Variants in ZBTB5 observed in about 807,000 individuals in gnomAD.
ZBTB5 encodes zinc finger and BTB domain containing 5.
Under a neutral mutation model 37.9 loss-of-function variants are expected in ZBTB5, and 15 were observed. That is an observed-to-expected ratio of 0.40 (90% CI 0.26 to 0.61). The LOEUF is 0.61. Among genes scored for constraint, ZBTB5 ranks in the 20% least tolerant of loss-of-function variants. ZBTB5 has a pLI of 0.47. For synonymous variants in ZBTB5, 315 were observed against 312.4 expected (o/e 1.01, Z -0.09); for missense variants, 708 against 856.8 (o/e 0.83, Z 2.17).
At chr9:37,446,589 TGA>T (rs1393201849) in intron 1 of ZBTB5, among the ~76,000 whole-genome samples, 6 of 152,258 alleles carry the variant, frequency 3.9e-5, no homozygotes, top group African/African-American at 1.4e-4. Context: ...CTATCATGTA[TGA>T]GAGATCAGAT....
rs754833632 is a variant in ZBTB5 at position 37,442,083 on chromosome 9, C to T, written c.469G>A (p.Ala157Thr). 40 of 1,614,016 alleles carry T rather than the reference C, an allele frequency of 2.5e-5. No individual in the cohort carries two copies. The highest frequency in any genetic ancestry group is 3.3e-5 in the Non-Finnish European group (39 of 1,180,046). ...QQLGLSIVSSALNSSQNGEEQ... is the reference protein window; with the variant it reads ...QQLGLSIVSSTLNSSQNGEEQ... ...TCGCCATTCTGGCTGGAATTGAGGG[C>T]TGAGCTCACGATGCTTAGTCCCAGC... Residue 157 changes from alanine to threonine, a missense_variant, in exon 2 of 2, where the codon GCC becomes ACC. By Grantham distance (58) the Ala-to-Thr change is moderately conservative. Around this residue, in one of 3 missense-constraint regions of ZBTB5, gnomAD observed 639 missense variants for 690.5 expected, o/e 0.93. Transcript: ENST00000307750.
intron 1 of ZBTB5, among the ~76,000 whole-genome samples, chr9:37,445,061 A>G (rs1179574357): frequency 3.3e-5 from 5 of 152,232 alleles, no homozygotes; most frequent in Non-Finnish European, 7.4e-5. Flanking sequence ...AAAAAAAACA[A>G]GAAGTTTTTA....
At chr9:37,445,898 C>T (rs1253185166) in intron 1 of ZBTB5, among the ~76,000 whole-genome samples, 1 of 151,890 alleles carries the variant, frequency 6.6e-6, no homozygotes, top group East Asian at 1.9e-4. Flanking sequence ...CTCAGGAGTT[C>T]GAGACCACCT....
At chr9:37,458,351 T>C (rs188544126) in intron 1 of ZBTB5, among the ~76,000 whole-genome samples, 2 of 152,370 alleles carry the variant, frequency 1.3e-5, no homozygotes, top group East Asian at 3.9e-4. Flanking sequence ...GAAGTTTTCC[T>C]CCTGCATTCT....
intron 1 of ZBTB5, 150 bp from the exon 2 acceptor site, chr9:37,442,705 C>T (rs1243907153): frequency 4.5e-6 from 3 of 661,846 alleles, no homozygotes; most frequent in African/African-American, 1.8e-5. Context: ...ACACTAAGAG[C>T]TTGTCATATA....
At chr9:37,451,460 A>G (rs1284368446) in intron 1 of ZBTB5, among the ~76,000 whole-genome samples, 1 of 147,246 alleles carries the variant, frequency 6.8e-6, no homozygotes, top group African/African-American at 2.5e-5. Flanking sequence ...TGGGAGGCTG[A>G]GGCACAACAA....
chr9:37,444,980 G>A (rs929430748), intron 1 of ZBTB5, among the ~76,000 whole-genome samples: 14 of 151,994 alleles, frequency 9.2e-5, no homozygotes, highest in African/African-American at 3.4e-4. Context: ...AAAAGGAATG[G>A]ATAGATAACC....
intron 1 of ZBTB5, among the ~76,000 whole-genome samples, chr9:37,454,321 G>A (rs1206995642): frequency 1.3e-5 from 2 of 152,150 alleles, no homozygotes; most frequent in Non-Finnish European, 2.9e-5. Context: ...AGCTCAGGCT[G>A]AGTAAATTAA....
chr9:37,450,864 C>CAA (rs111813981), intron 1 of ZBTB5, among the ~76,000 whole-genome samples: 1 of 125,674 alleles, frequency 8.0e-6, no homozygotes, highest in African/African-American at 3.0e-5. Context: ...AACTCCATCT[C>CAA]AAAAAAAAAA....
rs764302154 is a variant in ZBTB5, at chr9:37,441,147, G to A, written c.1405C>T (p.Pro469Ser). 2.5e-6 allele frequency: 4 copies of A among 1,613,938 alleles called. No individual in the cohort carries two copies. Among genetic ancestry groups the A allele is most frequent in the Middle Eastern group, 1.6e-4 (1 of 6,062 alleles). Reference protein sequence around the residue: ...SSAPGSHVENPFSEPADSHFV... With the variant: ...SSAPGSHVENSFSEPADSHFV... ...TGGGAGTCTGCAGGTTCACTAAATG[G>A]GTTCTCTACATGGGAGCCAGGGGCA... Residue 469 changes from proline (P) to serine (S), a missense_variant, in exon 2 of 2, where the codon CCA (proline) becomes TCA (serine). Physicochemically the swap from Pro to Ser is moderately conservative, Grantham distance 74. Around this residue, in one of 3 missense-constraint regions of ZBTB5, gnomAD observed 639 missense variants for 690.5 expected, o/e 0.93. Coordinates refer to ENST00000307750, the MANE Select transcript of ZBTB5 (RefSeq NM_014872.3).
At position 37,440,644 on chromosome 9, in the gene ZBTB5, T is replaced by G; in HGVS notation, c.1908A>C (p.Thr636=). The change falls in exon 2 of 2, where the codon ACA becomes ACC. Residue 636 remains threonine, a synonymous_variant. Coordinates refer to ENST00000307750, the MANE Select transcript of ZBTB5 (RefSeq NM_014872.3). ...TDCKKHIRVH[T]GEKPYACLKC... ...TCAGGCAGGCGTAAGGCTTTTCACC[T>G]GTGTGAACACGGATGTGCTTCTTGC... 1 of 1,614,282 alleles carries G rather than the reference T, an allele frequency of 6.2e-7. No individual in the cohort carries two copies. The highest frequency in any genetic ancestry group is 1.1e-5 in the South Asian group (1 of 91,088).
intron 1 of ZBTB5, among the ~76,000 whole-genome samples, chr9:37,455,856 T>C (rs1339496067): frequency 6.6e-6 from 1 of 151,748 alleles, no homozygotes; most frequent in Non-Finnish European, 1.5e-5. Flanking sequence ...TTTTTTTAAA[T>C]ACAGGTGGGG....
In ZBTB5 at chr9:37,441,172, AGAG is replaced by A; in HGVS notation, c.1377_1379del (p.Ser460del). The A allele has an allele frequency of 6.2e-7, 1 of 1,614,056 alleles. No individual in the cohort carries two copies. The highest frequency in any genetic ancestry group is 8.5e-7 in the Non-Finnish European group (1 of 1,179,950). ...GGTTCTCTACATGGGAGCCAGGGGC[AGAG>A]GAGGGCCCACCTGCAGGCCCAGCCT... On this transcript the variant is annotated inframe_deletion, in exon 2 of 2. Coordinates refer to ENST00000307750, the MANE Select transcript of ZBTB5 (RefSeq NM_014872.3).
chr9:37,462,002 A>G (rs1193694383), intron 1 of ZBTB5, among the ~76,000 whole-genome samples: 7 of 152,182 alleles, frequency 4.6e-5, no homozygotes, highest in Non-Finnish European at 8.8e-5. Context: ...GTTGGGTACA[A>G]AAGTCTCTTT....
At position 37,465,256 on chromosome 9, in the gene ZBTB5, G is replaced by A. The variant is rs937957681; in HGVS notation, c.-46C>T. On this transcript the variant is annotated 5_prime_UTR_variant, in exon 1 of 2. Coordinates refer to ENST00000307750, the MANE Select transcript of ZBTB5 (RefSeq NM_014872.3). ...CCCCCTCCTCCTCGCTGAAGGAGGC[G>A]GTGACCCCTCTCCGATCGGACTCGG... 5 of 151,980 alleles carry A rather than the reference G, an allele frequency of 3.3e-5. No individual in the cohort carries two copies. The highest frequency in any genetic ancestry group is 9.7e-5 in the African/African-American group (4 of 41,350). The allele number at this position is 151,980 out of a possible 1,614,324, so 9.4% of individuals were successfully genotyped here.
At position 37,440,612 on chromosome 9, in the gene ZBTB5, C is replaced by G; in HGVS notation, c.1940G>C (p.Gly647Ala). ...GTGGCTGGACTGACTAAACCTCTTG[C>G]CACACTTCAGGCAGGCGTAAGGCTT... The part of the protein sequence containing the change: ...GEKPYACLKC[G>A]KRFSQSSHLY... The change falls in exon 2 of 2, where the codon GGC (glycine) becomes GCC (alanine). Residue 647 changes from glycine (G) to alanine (A), a missense_variant. By Grantham distance (60) the Gly-to-Ala change is moderately conservative. Around this residue, in one of 3 missense-constraint regions of ZBTB5, gnomAD observed 42 missense variants for 107.9 expected, o/e 0.39. Coordinates refer to ENST00000307750, the MANE Select transcript of ZBTB5 (RefSeq NM_014872.3). 6.2e-7 allele frequency: 1 copy of G among 1,614,244 alleles called. No individual in the cohort carries two copies. Among genetic ancestry groups the G allele is most frequent in the Non-Finnish European group, 8.5e-7 (1 of 1,180,050 alleles).
chr9:37,454,088 CA>C (rs1834509181), intron 1 of ZBTB5, among the ~76,000 whole-genome samples: 1 of 152,182 alleles, frequency 6.6e-6, no homozygotes, highest in Non-Finnish European at 1.5e-5. Flanking sequence ...ACATGAAGTT[CA>C]AATTACATCT....
rs1302176849 is a variant in ZBTB5 at position 37,441,167 on chromosome 9, G to A, written c.1385C>T (p.Pro462Leu). ...AGPAGGPSSA[P>L]GSHVENPFSE... ...AAATGGGTTCTCTACATGGGAGCCA[G>A]GGGCAGAGGAGGGCCCACCTGCAGG... Residue 462 changes from proline to leucine, a missense_variant, in exon 2 of 2, where the codon CCT becomes CTT. Pro to Leu is a moderately conservative substitution (Grantham distance 98). Transcript: ENST00000307750. 2 of 1,614,004 alleles carry A rather than the reference G, an allele frequency of 1.2e-6. No homozygotes were observed. Among genetic ancestry groups the A allele is most frequent in the South Asian group, 1.1e-5 (1 of 91,066 alleles).
intron 1 of ZBTB5, among the ~76,000 whole-genome samples, chr9:37,456,909 A>G (rs759731375): frequency 1.3e-5 from 2 of 152,252 alleles, no homozygotes; most frequent in African/African-American, 2.4e-5. Context: ...AAGTCTCAGA[A>G]TATCCAAAAT....
Sources: gnomAD v4.1 joint callset for allele counts (sites outside exome capture counted in the v4.1 genomes callset) on GRCh38, gnomAD v4.1.1 for gene constraint, gnomAD v4.1.1 regional missense constraint, MANE v1.5 for transcripts, NCBI Gene and HGNC (gene_info 2026-07-23, HGNC 2026-07-21) for gene names.